The following ARID1A variants were observed in gnomAD, a reference collection of about 807,000 sequenced individuals.
ARID1A encodes the protein AT-rich interactive domain-containing protein 1A.
Under a neutral mutation model 212.6 loss-of-function variants are expected in ARID1A, and 20 were observed. The ratio of observed to expected loss-of-function variants is 0.09; its 90% CI spans 0.07 to 0.14. ARID1A has a LOEUF of 0.14. Ranked by LOEUF, ARID1A falls within the 10% of genes least tolerant of loss-of-function variation. The pLI, the probability that ARID1A is intolerant of heterozygous loss-of-function variation, is 1.00. For missense variants in ARID1A, 2,587 were observed against 3,059.0 expected (o/e 0.85, Z 3.64); for synonymous variants, 1,376 against 1,222.1 (o/e 1.13, Z -2.63).
intron 11 of ARID1A, chr1:26,769,476 G>C (rs947454622): frequency 6.6e-6 from 1 of 152,270 alleles, no homozygotes; most frequent in Non-Finnish European, 1.5e-5. Flanking sequence ...GGCCAATCCA[G>C]TAGACTGGCC....
At chr1:26,772,725 C>T in intron 13 of ARID1A, 87 bp from the exon 14 acceptor site, 1 of 1,606,540 alleles carries the variant, frequency 6.2e-7, no homozygotes, top group Non-Finnish European at 8.5e-7. Flanking sequence ...TTGCCTCTGC[C>T]TTCCCAGCCA....
At chr1:26,760,326 A>G (rs2080978818) in intron 4 of ARID1A, among the ~76,000 whole-genome samples, 1 of 152,220 alleles carries the variant, frequency 6.6e-6, no homozygotes. Flanking sequence ...AGGAGGCTTT[A>G]TGGCCCACAA....
intron 1 of ARID1A, among the ~76,000 whole-genome samples, chr1:26,724,299 C>T (rs1316178579): frequency 6.6e-6 from 1 of 152,160 alleles, no homozygotes; most frequent in African/African-American, 2.4e-5. Flanking sequence ...CCAACCCTCT[C>T]TGTTCTTATT....
intron 4 of ARID1A, among the ~76,000 whole-genome samples, chr1:26,756,137 G>A (rs1022855046): frequency 6.6e-6 from 1 of 151,960 alleles, no homozygotes; most frequent in African/African-American, 2.4e-5. Context: ...CAAGGCCAGG[G>A]GCAGTGGCTC....
intron 1 of ARID1A, among the ~76,000 whole-genome samples, chr1:26,701,923 A>C (rs1434652908): frequency 6.6e-6 from 1 of 152,226 alleles, no homozygotes; most frequent in East Asian, 1.9e-4. Context: ...TTGGAAAGTT[A>C]GGTAGATTTC....
At chr1:26,714,386 A>G (rs1298367222) in intron 1 of ARID1A, among the ~76,000 whole-genome samples, 1 of 151,210 alleles carries the variant, frequency 6.6e-6, no homozygotes, top group Non-Finnish European at 1.5e-5. Context: ...ATTTGGATGC[A>G]TCTATAATCT....
chr1:26,778,811 T>A lies in ARID1A; in HGVS notation c.5125-212T>A, dbSNP rs142496299. 320 of 444,150 alleles carry A rather than the reference T, an allele frequency of 7.2e-4. 5 individuals are homozygous for A. In the East Asian group the frequency reaches 0.01, roughly 14 times the overall value. 27.5% of individuals were successfully genotyped at this position (444,150 alleles called of 1,614,324 possible). On this transcript the variant is annotated intron_variant, in intron 19 of 19. Coordinates refer to ENST00000324856, the MANE Select transcript of ARID1A (RefSeq NM_006015.6). Reference sequence around the variant, plus strand: ...TGGCTAGTGTTCCTGGAGATAGGCTTACGTGAAGGTAGGTTGGGCAGAAGA... The same window carrying A: ...TGGCTAGTGTTCCTGGAGATAGGCTAACGTGAAGGTAGGTTGGGCAGAAGA...
intron 4 of ARID1A, among the ~76,000 whole-genome samples, chr1:26,749,112 C>G (rs967859791): frequency 3.9e-5 from 6 of 152,144 alleles, no homozygotes; most frequent in Non-Finnish European, 7.3e-5. Flanking sequence ...TTGCAGTGAG[C>G]CAAGATCGCG....
Position 26,697,092 on chromosome 1 carries a change from C to A in ARID1A, c.689C>A (p.Ala230Glu). Reference sequence around the variant, plus strand: ...TACCCCCCGCCCGCCCCGGCCTACGCGCTGAGCTCCCCGAGAGGTGGCACT... The same window carrying A: ...TACCCCCCGCCCGCCCCGGCCTACGAGCTGAGCTCCCCGAGAGGTGGCACT... ...SAYPPPAPAY[A>E]LSSPRGGTPG... The change falls in exon 1 of 20, where the codon GCG (alanine) becomes GAG (glutamate). Residue 230 changes from alanine to glutamate, a missense_variant. Transcript: ENST00000324856. 1 of 1,479,382 alleles carries A rather than the reference C, an allele frequency of 6.8e-7. No individual in the cohort carries two copies. Among genetic ancestry groups the A allele is most frequent in the Non-Finnish European group, 8.9e-7 (1 of 1,119,602 alleles). 91.6% of individuals were successfully genotyped at this position (1,479,382 alleles called of 1,614,324 possible). A position where few individuals can be genotyped will look rare whatever the true frequency, so the allele number is the denominator to read the frequency against.
intron 4 of ARID1A, among the ~76,000 whole-genome samples, chr1:26,737,878 A>G (rs2080749392): frequency 6.6e-6 from 1 of 151,816 alleles, no homozygotes; most frequent in Non-Finnish European, 1.5e-5. Flanking sequence ...AAAAAAAAAA[A>G]GAAAAAATTA....
At chr1:26,738,876 G>GTTTTTTT (rs35110787) in intron 4 of ARID1A, among the ~76,000 whole-genome samples, 1 of 116,656 alleles carries the variant, frequency 8.6e-6, no homozygotes, top group East Asian at 2.6e-4. Context: ...CTTTTCTTTT[G>GTTTTTTT]TTTTTTTTTT....
In ARID1A at chr1:26,772,616, C is replaced by T; in HGVS notation, c.3523C>T (p.Pro1175Ser). Residue 1175 changes from proline (P) to serine (S), a missense_variant, in exon 13 of 20, where the codon CCA (proline) becomes TCA (serine). By Grantham distance (74) the Pro-to-Ser change is moderately conservative. Around this residue, in one of 11 missense-constraint regions of ARID1A, gnomAD observed 890 missense variants for 1,098.2 expected, o/e 0.81. Transcript: ENST00000324856. Reference sequence around the variant, plus strand: ...ATCCACACCACACAGTCAGATCCCCCCATTGCCAGGCATGAGGTAAGGCCA... The same window carrying T: ...ATCCACACCACACAGTCAGATCCCCTCATTGCCAGGCATGAGGTAAGGCCA... ...PASTPHSQIP[P>S]LPGMSRSNSV... 1 of 1,614,208 alleles carries T rather than the reference C, an allele frequency of 6.2e-7. No individual in the cohort carries two copies. The highest frequency in any genetic ancestry group is 1.1e-5 in the South Asian group (1 of 91,082).
At chr1:26,752,534 C>A (rs1472775949) in intron 4 of ARID1A, among the ~76,000 whole-genome samples, 1 of 152,182 alleles carries the variant, frequency 6.6e-6, no homozygotes, top group African/African-American at 2.4e-5. Context: ...TATGAAAAGC[C>A]AAGTCTCCCA....
In ARID1A at chr1:26,696,544, C is replaced by G; in HGVS notation, c.141C>G (p.Arg47=). Residue 47 remains arginine (R), a synonymous_variant, in exon 1 of 20, where the codon CGC becomes CGG. Transcript: ENST00000324856. ...GEAAAAAAAE[R]GEMKAAAGQE... The stretch of plus-strand genomic sequence containing the variant: ...CGGCGGCGGCGGCAGCGGCCGAGCG[C>G]GGGGAAATGAAGGCAGCCGCCGGGC... 8.2e-7 allele frequency: 1 copy of G among 1,223,686 alleles called. No homozygotes were observed. Among genetic ancestry groups the G allele is most frequent in the Non-Finnish European group, 1.0e-6 (1 of 986,232 alleles). The allele number at this position is 1,223,686 out of a possible 1,614,324, so 75.8% of individuals were successfully genotyped here.
rs113189562 is a variant in ARID1A at position 26,742,110 on chromosome 1, C to T, written c.1920+9318C>T. Among the ~76,000 whole-genome samples, 4 of 152,328 alleles carry T rather than the reference C, an allele frequency of 2.6e-5. 1 individual carries two copies. The highest frequency in any genetic ancestry group is 9.6e-5 in the African/African-American group (4 of 41,560). ...GTGAAATATTTCCTCCAGCATCCCA[C>T]CCAGTAGAGGAAAGACATGGACAAT... On this transcript the variant is annotated intron_variant, in intron 4 of 19. Transcript: ENST00000324856.
In ARID1A at chr1:26,779,770, G is replaced by A. The variant is rs2124143650; in HGVS notation, c.5872G>A (p.Glu1958Lys). 1 of 1,614,108 alleles carries A rather than the reference G, an allele frequency of 6.2e-7. No individual in the cohort carries two copies. The highest frequency in any genetic ancestry group is 8.5e-7 in the Non-Finnish European group (1 of 1,180,036). ...CCGGAACATCAAGATCCTAGAGGACGAACCCCACAGTAAGGATGAGACCCC... is the reference window on the plus strand; with the variant it reads ...CCGGAACATCAAGATCCTAGAGGACAAACCCCACAGTAAGGATGAGACCCC... ...SHRNIKILED[E>K]PHSKDETPLC... Residue 1958 changes from glutamate (E) to lysine (K), a missense_variant, in exon 20 of 20, where the codon GAA (glutamate) becomes AAA (lysine). Physicochemically the swap from Glu to Lys is moderately conservative, Grantham distance 56 (BLOSUM62 1). Coordinates refer to ENST00000324856, the MANE Select transcript of ARID1A (RefSeq NM_006015.6).
In ARID1A at chr1:26,760,912, T is replaced by A. The variant is rs754401184; in HGVS notation, c.1977T>A (p.Pro659=). ...LPMGTEGALS[P]GVSTSGISSS... is the part of the protein sequence containing the mutation. The stretch of plus-strand genomic sequence containing the variant: ...TGGGGACAGAAGGAGCTCTGAGTCC[T>A]GGAGTGAGCACATCAGGGATTTCCA... Residue 659 remains proline (P), a synonymous_variant, in exon 5 of 20, where the codon CCT becomes CCA. Transcript: ENST00000324856. The A allele has an allele frequency of 6.2e-7, 1 of 1,614,110 alleles. No individual in the cohort carries two copies. The highest frequency in any genetic ancestry group is 8.5e-7 in the Non-Finnish European group (1 of 1,179,996).
intron 1 of ARID1A, among the ~76,000 whole-genome samples, chr1:26,704,473 A>G (rs1280637795): frequency 9.2e-5 from 14 of 152,148 alleles, no homozygotes. Flanking sequence ...GTTCAAGTCA[A>G]GTTGCTTGTG....
intron 4 of ARID1A, among the ~76,000 whole-genome samples, chr1:26,751,190 G>A (rs1320872265): frequency 2.0e-5 from 3 of 151,994 alleles, no homozygotes; most frequent in African/African-American, 4.8e-5. Context: ...GGGAGGCGGA[G>A]ATTGCAGTGA....
Sources: gnomAD v4.1 joint callset for allele counts (sites outside exome capture counted in the v4.1 genomes callset) on GRCh38, gnomAD v4.1.1 for gene constraint, gnomAD v4.1.1 regional missense constraint, MANE v1.5 for transcripts, NCBI Gene and HGNC (gene_info 2026-07-23, HGNC 2026-07-21) for gene names.